The following ADAMTS2 variants were observed in gnomAD, a reference collection of about 807,000 sequenced individuals.
ADAMTS2 encodes A disintegrin and metalloproteinase with thrombospondin motifs 2.
Under a neutral mutation model 123.0 loss-of-function variants are expected in ADAMTS2, and 50 were observed. The observed-to-expected ratio is 0.41, with a 90% confidence interval of 0.32 to 0.51. ADAMTS2 has a LOEUF of 0.51. Among genes scored for constraint, ADAMTS2 ranks in the 20% least tolerant of loss-of-function variants. ADAMTS2 has a pLI of 0.35. For synonymous variants in ADAMTS2, 678 were observed against 695.4 expected (o/e 0.98, Z 0.39); for missense variants, 1,494 against 1,705.2 (o/e 0.88, Z 2.18).
rs578180659 is a variant in ADAMTS2 at position 179,141,831 on chromosome 5, C to A, written c.1630-1796G>T. Among the ~76,000 whole-genome samples the A allele has an allele frequency of 2.4e-4, 36 of 152,322 alleles. No homozygotes were observed. The South Asian group carries it at 7.0e-3, about 30-fold the overall frequency. ...CAAGAGGCCTGGGGCCCCCTTCCCCCACCCAGGCCCCACTCATAGGGCACA... is the reference window on the plus strand; with the variant it reads ...CAAGAGGCCTGGGGCCCCCTTCCCCAACCCAGGCCCCACTCATAGGGCACA... On this transcript the variant is annotated intron_variant, in intron 10 of 21. Transcript: ENST00000251582.
intron 4 of ADAMTS2, among the ~76,000 whole-genome samples, chr5:179,198,034 G>A (rs1178596638): frequency 6.6e-6 from 1 of 152,188 alleles, no homozygotes; most frequent in Non-Finnish European, 1.5e-5. Context: ...TATCAGGCAT[G>A]TTCAGCAATG....
chr5:179,221,983 C>T (rs79609403), intron 3 of ADAMTS2, among the ~76,000 whole-genome samples: 7,731 of 152,284 alleles, frequency 0.051, 285 homozygotes, highest in Non-Finnish European at 0.081. Flanking sequence ...GCCTCTCCCA[C>T]GGGTAAATCC....
At chr5:179,159,729 G>GAGACTCAGAGAAGTTA (rs1240945594) in intron 5 of ADAMTS2, among the ~76,000 whole-genome samples, 1 of 152,182 alleles carries the variant, frequency 6.6e-6, no homozygotes, top group Non-Finnish European at 1.5e-5. Flanking sequence ...ACAGGAAACT[G>GAGACTCAGAGAAGTTA]AGACTCAGAG....
rs575146492 is a variant in ADAMTS2 at position 179,330,075 on chromosome 5, G to A, written c.534+13692C>T. ...CGGGAAGCGGAGCTTGCAGTGAGCCGAGATTGCGCCACTGCAGTCCGCAGT... is the reference window on the plus strand; with the variant it reads ...CGGGAAGCGGAGCTTGCAGTGAGCCAAGATTGCGCCACTGCAGTCCGCAGT... On this transcript the variant is annotated intron_variant, in intron 2 of 21. Transcript: ENST00000251582. 1.7e-3 allele frequency among the ~76,000 whole-genome samples: 248 copies of A among 148,678 alleles called. 1 individual carries two copies. The highest frequency in any genetic ancestry group is 3.5e-3 in the Middle Eastern group (1 of 284).
intron 3 of ADAMTS2, among the ~76,000 whole-genome samples, chr5:179,247,577 G>A (rs541537092): frequency 3.2e-4 from 49 of 152,258 alleles, no homozygotes; most frequent in African/African-American, 1.2e-3. Context: ...AAGATACATT[G>A]TAATCAAATT....
chr5:179,219,481 C>A (rs1241801247), intron 3 of ADAMTS2, among the ~76,000 whole-genome samples: 2 of 152,240 alleles, frequency 1.3e-5, no homozygotes, highest in East Asian at 1.9e-4. Flanking sequence ...TCAGACCAGG[C>A]CACTCTCTTC....
intron 3 of ADAMTS2, among the ~76,000 whole-genome samples, chr5:179,267,419 A>G (rs1766404109): frequency 6.6e-6 from 1 of 152,230 alleles, no homozygotes; most frequent in African/African-American, 2.4e-5. Context: ...TGACAGCAGC[A>G]GGCAGAGGCT....
Position 179,115,033 on chromosome 5 carries a change from G to A in ADAMTS2, c.3179-709C>T, listed in dbSNP as rs1443653286. On this transcript the variant is annotated intron_variant, in intron 21 of 21. Transcript: ENST00000251582. The surrounding 1 kb of genome is among the most constrained non-coding windows in gnomAD (Gnocchi z 4.4). ...TCCCCCTATAGCACCGCCACCTTGC[G>A]CATCCAGCCATTTCCCAAAGAAACG... Among the ~76,000 whole-genome samples the A allele has an allele frequency of 3.9e-5, 6 of 152,082 alleles. No individual in the cohort carries two copies. The highest frequency in any genetic ancestry group is 1.3e-4 in the Admixed American group (2 of 15,262).
Position 179,312,898 on chromosome 5 carries a change from TGTA to T in ADAMTS2, c.534+30866_534+30868del, listed in dbSNP as rs1756871475. Among the ~76,000 whole-genome samples, 1 of 152,156 alleles carries T rather than the reference TGTA, an allele frequency of 6.6e-6. No individual in the cohort carries two copies. The highest frequency in any genetic ancestry group is 2.4e-5 in the African/African-American group (1 of 41,440). On this transcript the variant is annotated intron_variant, in intron 2 of 21. Transcript: ENST00000251582. The surrounding 1 kb of genome is among the most constrained non-coding windows in gnomAD (Gnocchi z 4.2). ...TTCTAATGTTTCAAACCAGCAAGCTTGTAGTAATTTGCAGGCAGCCTCAGAAAC... is the reference window on the plus strand; with the variant it reads ...TTCTAATGTTTCAAACCAGCAAGCTTGTAATTTGCAGGCAGCCTCAGAAAC...
At chr5:179,149,370 G>A (rs1763308824) in intron 10 of ADAMTS2, among the ~76,000 whole-genome samples, 1 of 152,228 alleles carries the variant, frequency 6.6e-6, no homozygotes, top group African/African-American at 2.4e-5. Flanking sequence ...CTCCAGGACT[G>A]CGAAGAACAA....
chr5:179,124,890 T>C lies in ADAMTS2; in HGVS notation c.2958+83A>G, dbSNP rs1762824671. On this transcript the variant is annotated intron_variant, in intron 19 of 21. Transcript: ENST00000251582. ...GCGGGTGGTGGTGTTGTGTAGCGGC[T>C]GAATGCAGCGCACGGAGCGCACCTG... 6 of 1,594,754 alleles carry C rather than the reference T, an allele frequency of 3.8e-6. No individual in the cohort carries two copies. The Admixed American group carries it at 5.3e-5, about 14-fold the overall frequency.
chr5:179,218,757 G>A (rs115485260), intron 3 of ADAMTS2, among the ~76,000 whole-genome samples: 6 of 152,296 alleles, frequency 3.9e-5, no homozygotes, highest in African/African-American at 9.6e-5. Context: ...GGGCTGCCCC[G>A]CGGACAGATG....
rs1764035052 is a variant in ADAMTS2 at position 179,181,009 on chromosome 5, TCACTC to T, written c.975+58_975+62del. The T allele has an allele frequency of 5.3e-6, 7 of 1,324,650 alleles. No individual in the cohort carries two copies. Among genetic ancestry groups the T allele is most frequent in the Non-Finnish European group, 7.6e-6 (7 of 918,854 alleles). The allele number at this position is 1,324,650 out of a possible 1,614,324, so 82.1% of individuals were successfully genotyped here. ...CACACTCTCCAAGGAGGCCCATGCC[TCACTC>T]CCAGGCCCCTCACTCCGAGGGGGTG... On this transcript the variant is annotated intron_variant, in intron 5 of 21. Coordinates refer to ENST00000251582, the MANE Select transcript of ADAMTS2 (RefSeq NM_014244.5). This position sits in a 1 kb window ranked among gnomAD's most constrained non-coding sequence, Gnocchi z 4.1.
At chr5:179,161,325 G>A (rs1561784114) in intron 5 of ADAMTS2, among the ~76,000 whole-genome samples, 1 of 152,186 alleles carries the variant, frequency 6.6e-6, no homozygotes, top group Non-Finnish European at 1.5e-5. Context: ...AACTCGGGGT[G>A]GATGTGATTC....
chr5:179,274,062 A>C, intron 2 of ADAMTS2, among the ~76,000 whole-genome samples: 2 of 141,366 alleles, frequency 1.4e-5, no homozygotes, highest in African/African-American at 2.7e-5. Context: ...TCGAGGCCTG[A>C]TTCAGACCCC....
intron 2 of ADAMTS2, among the ~76,000 whole-genome samples, chr5:179,331,207 T>G (rs1424526426): frequency 7.0e-6 from 1 of 143,650 alleles, no homozygotes; most frequent in Non-Finnish European, 1.5e-5. Context: ...TCCTGGCTGA[T>G]GAAAGACTCT....
chr5:179,187,690 A>G (rs966767211), intron 4 of ADAMTS2, among the ~76,000 whole-genome samples: 1 of 152,046 alleles, frequency 6.6e-6, no homozygotes, highest in Non-Finnish European at 1.5e-5. Context: ...CCCAGGTTGC[A>G]GGGGGAGGGG....
chr5:179,299,795 T>A (rs899357015), intron 2 of ADAMTS2, among the ~76,000 whole-genome samples: 2 of 151,910 alleles, frequency 1.3e-5, no homozygotes, highest in Non-Finnish European at 2.9e-5. Context: ...TCTGCCTCCA[T>A]CTTCTACTTT....
chr5:179,305,055 GAAA>G (rs3084664), intron 2 of ADAMTS2, among the ~76,000 whole-genome samples: 1 of 126,144 alleles, frequency 7.9e-6, no homozygotes. Flanking sequence ...TTAAAATGCT[GAAA>G]AAAAAAAAAA....
Sources: allele counts gnomAD v4.1 joint callset (sites outside exome capture counted in the v4.1 genomes callset), GRCh38; gene constraint gnomAD v4.1.1; non-coding constraint Gnocchi (gnomAD v3.1); transcripts MANE v1.5; gene names NCBI Gene and HGNC (gene_info 2026-07-23, HGNC 2026-07-21).